The following PRKG1 variants were observed in gnomAD, a reference collection of about 807,000 sequenced individuals.
PRKG1 encodes the protein protein kinase cGMP-dependent 1, also known as cGMP-dependent protein kinase 1.
Under a neutral mutation model 88.1 loss-of-function variants are expected in PRKG1, and 35 were observed. The observed-to-expected ratio is 0.40, with a 90% CI of 0.30 to 0.53. The LOEUF (loss-of-function observed/expected upper bound fraction) is 0.53. Ranked by LOEUF, PRKG1 falls within the 20% of genes least tolerant of loss-of-function variation. The pLI is 0.59. For synonymous variants in PRKG1, 303 were observed against 292.5 expected, an observed-to-expected ratio of 1.04 and a Z score of -0.37; for missense variants, 540 against 839.8, an observed-to-expected ratio of 0.64 and a Z score of 4.41.
chr10:52,233,907 T>A (rs1319137359), intron 9 of PRKG1, among the ~76,000 whole-genome samples: 2 of 152,132 alleles, frequency 1.3e-5, no homozygotes, highest in Non-Finnish European at 2.9e-5. Context: ...CAGACTTAAA[T>A]GTCCCTGCCT....
At chr10:52,084,913 C>T (rs562335405) in intron 7 of PRKG1, among the ~76,000 whole-genome samples, 1 of 151,882 alleles carries the variant, frequency 6.6e-6, no homozygotes, top group Non-Finnish European at 1.5e-5. Flanking sequence ...CTTTCTTTGT[C>T]TTGGTGCAGA....
chr10:52,119,005 TTG>T (rs1294038383), intron 7 of PRKG1, among the ~76,000 whole-genome samples: 1 of 152,156 alleles, frequency 6.6e-6, no homozygotes, highest in African/African-American at 2.4e-5. Flanking sequence ...TGACTTTTTA[TTG>T]TGAGAATCTA....
chr10:51,323,759 A>G (rs546751747), intron 2 of PRKG1, among the ~76,000 whole-genome samples: 7 of 152,276 alleles, frequency 4.6e-5, no homozygotes, highest in African/African-American at 1.7e-4. Context: ...ACTTGAAGCT[A>G]AGATGGGTCT....
chr10:51,740,939 AAG>A (rs1491301123), intron 3 of PRKG1, among the ~76,000 whole-genome samples: 20 of 135,330 alleles, frequency 1.5e-4, no homozygotes, highest in Non-Finnish European at 2.8e-4. Context: ...AAAAAAAAAA[AAG>A]CATCAAGAGA....
intron 4 of PRKG1, among the ~76,000 whole-genome samples, chr10:51,851,488 C>A (rs570186153): frequency 6.6e-6 from 1 of 152,292 alleles, no homozygotes; most frequent in Admixed American, 6.5e-5. Context: ...CTGACAAACG[C>A]TTCCCTATGG....
chr10:51,579,358 T>A (rs926408286), intron 3 of PRKG1, among the ~76,000 whole-genome samples: 2 of 152,080 alleles, frequency 1.3e-5, no homozygotes, highest in Admixed American at 1.3e-4. Context: ...AATACACATA[T>A]AGAAAAGATG....
rs1334998480 is a variant in PRKG1, at chr10:52,294,174, A to G, written c.*274A>G. 8.9e-6 allele frequency: 3 copies of G among 336,624 alleles called. No homozygotes were observed. Among genetic ancestry groups the G allele is most frequent in the Non-Finnish European group, 1.1e-5 (2 of 183,550 alleles). The allele number at this position is 336,624 out of a possible 1,614,324, so 20.9% of individuals were successfully genotyped here. A position where few individuals can be genotyped will look rare whatever the true frequency, so the allele number is the denominator to read the frequency against. ...GTAAAAGATGTTTTCTATTGTTGCA[A>G]TGACCTTGCTTTGCTCTGATTATAA... is the stretch of plus-strand genomic sequence containing the variant. On this transcript the variant is annotated 3_prime_UTR_variant, in exon 18 of 18. Coordinates refer to ENST00000373980, the MANE Select transcript of PRKG1 (RefSeq NM_006258.4).
At chr10:51,402,658 C>T (rs546950344) in intron 2 of PRKG1, among the ~76,000 whole-genome samples, 3 of 152,306 alleles carry the variant, frequency 2.0e-5, no homozygotes, top group Admixed American at 2.0e-4. Context: ...AGATCAATAC[C>T]TGAGCTCCTG....
intron 2 of PRKG1, among the ~76,000 whole-genome samples, chr10:51,463,821 C>G (rs935218985): frequency 6.6e-6 from 1 of 152,154 alleles, no homozygotes; most frequent in African/African-American, 2.4e-5. Flanking sequence ...TGAAAGAGCC[C>G]TCATTAAAGT....
intron 2 of PRKG1, among the ~76,000 whole-genome samples, chr10:51,244,366 T>C (rs781515555): frequency 4.6e-5 from 7 of 151,692 alleles, no homozygotes; most frequent in Non-Finnish European, 8.8e-5. Context: ...TAATGATTTG[T>C]TGCAGGTAGC....
chr10:52,132,126 T>C (rs1350477858), intron 7 of PRKG1, among the ~76,000 whole-genome samples: 2 of 152,078 alleles, frequency 1.3e-5, no homozygotes, highest in Non-Finnish European at 2.9e-5. Context: ...GAAATTGTAT[T>C]TAAAGATATG....
intron 3 of PRKG1, chr10:51,695,764 T>C (rs1041467984): frequency 1.3e-5 from 2 of 152,304 alleles, no homozygotes; most frequent in Admixed American, 6.5e-5. Flanking sequence ...AACAACAGCA[T>C]AGGGATGAAA....
At chr10:51,113,511 A>T (rs1188542377) in intron 1 of PRKG1, among the ~76,000 whole-genome samples, 1 of 152,170 alleles carries the variant, frequency 6.6e-6, no homozygotes, top group Non-Finnish European at 1.5e-5. Flanking sequence ...CAGGAAAGAA[A>T]AGTTATCAAG....
chr10:52,163,955 C>T (rs987299496), intron 9 of PRKG1, among the ~76,000 whole-genome samples: 1 of 152,158 alleles, frequency 6.6e-6, no homozygotes, highest in Non-Finnish European at 1.5e-5. Flanking sequence ...TGATTTTGGT[C>T]ATGAATATTA....
chr10:51,938,910 T>C (rs920458555), intron 5 of PRKG1, among the ~76,000 whole-genome samples: 3 of 152,080 alleles, frequency 2.0e-5, no homozygotes, highest in African/African-American at 7.2e-5. Flanking sequence ...GAATATATTA[T>C]TAATACTATT....
chr10:51,834,094 A>G (rs1840068376), intron 4 of PRKG1, among the ~76,000 whole-genome samples: 1 of 152,000 alleles, frequency 6.6e-6, no homozygotes, highest in South Asian at 2.1e-4. Flanking sequence ...ATAGTATTCC[A>G]TTGTGTATAC....
chr10:51,599,924 C>T (rs1407487227), intron 3 of PRKG1, among the ~76,000 whole-genome samples: 1 of 152,142 alleles, frequency 6.6e-6, no homozygotes, highest in Non-Finnish European at 1.5e-5. Flanking sequence ...TATATGTGTA[C>T]ATGCATGCAT....
intron 1 of PRKG1, among the ~76,000 whole-genome samples, chr10:51,123,262 G>T (rs1278103520): frequency 6.6e-6 from 1 of 152,050 alleles, no homozygotes; most frequent in African/African-American, 2.4e-5. Context: ...AATTAACCTC[G>T]TTCTTTAAAA....
chr10:51,732,442 T>A (rs1321813502), intron 3 of PRKG1, among the ~76,000 whole-genome samples: 2 of 152,106 alleles, frequency 1.3e-5, no homozygotes, highest in African/African-American at 4.8e-5. Context: ...TAGAAGCACT[T>A]ACATCTAACG....
Sources: allele counts gnomAD v4.1 joint callset (sites outside exome capture counted in the v4.1 genomes callset), GRCh38; gene constraint gnomAD v4.1.1; transcripts MANE v1.5; gene names NCBI Gene and HGNC (gene_info 2026-07-23, HGNC 2026-07-21).